The following DLGAP2 variants were observed in gnomAD, a reference collection of about 807,000 sequenced individuals.
DLGAP2 encodes DLG associated protein 2.
A neutral mutation model predicts 100.3 loss-of-function variants in DLGAP2; 26 were observed. That is an observed-to-expected ratio of 0.26 (90% CI 0.19 to 0.36). The LOEUF is 0.36. Among genes scored for constraint, DLGAP2 ranks in the 10% least tolerant of loss-of-function variants. DLGAP2 has a pLI of 1.00. For missense variants in DLGAP2, 1,858 were observed against 1,453.2 expected (o/e 1.28, Z -4.53); for synonymous variants, 886 against 630.1 (o/e 1.41, Z -6.08).
chr8:752,181 C>G (rs1820808709), intron 1 of DLGAP2, among the ~76,000 whole-genome samples: 1 of 152,208 alleles, frequency 6.6e-6, no homozygotes, highest in Non-Finnish European at 1.5e-5. Flanking sequence ...TGGTCTCCCA[C>G]TTTTTCCTCA....
At chr8:880,076 A>G (rs538526392) in intron 1 of DLGAP2, among the ~76,000 whole-genome samples, 7 of 152,178 alleles carry the variant, frequency 4.6e-5, no homozygotes, top group South Asian at 2.1e-4. Flanking sequence ...GCTGCTTCCA[A>G]ATTCATCAGA....
intron 3 of DLGAP2, among the ~76,000 whole-genome samples, chr8:1,315,897 T>A (rs376605079): frequency 2.6e-5 from 2 of 77,620 alleles, no homozygotes; most frequent in South Asian, 4.9e-4. Flanking sequence ...TCGAGAAACT[T>A]GGCAGCTTTT....
At chr8:1,658,142 A>G (rs1798326722) in intron 8 of DLGAP2, among the ~76,000 whole-genome samples, 1 of 152,066 alleles carries the variant, frequency 6.6e-6, no homozygotes, top group Non-Finnish European at 1.5e-5. Context: ...CTCGTCTTTT[A>G]TTATGCAAAT....
intron 4 of DLGAP2, among the ~76,000 whole-genome samples, chr8:1,545,705 C>G (rs62484071): frequency 6.6e-6 from 1 of 152,208 alleles, no homozygotes; most frequent in African/African-American, 2.4e-5. Flanking sequence ...TTTTAAAGTA[C>G]ATGTTTCCAT....
chr8:1,293,388 A>C (rs1221698246), intron 3 of DLGAP2, among the ~76,000 whole-genome samples: 2 of 150,008 alleles, frequency 1.3e-5, no homozygotes, highest in Non-Finnish European at 3.0e-5. Flanking sequence ...CGGCTGAGCC[A>C]TGGCTCCTTC....
chr8:1,506,564 A>G (rs544986801), intron 4 of DLGAP2, among the ~76,000 whole-genome samples: 2 of 152,330 alleles, frequency 1.3e-5, no homozygotes, highest in South Asian at 2.1e-4. Flanking sequence ...TAGTGCATAC[A>G]GCGTAAAAAT....
At chr8:1,557,342 C>T in intron 5 of DLGAP2, among the ~76,000 whole-genome samples, 1 of 152,106 alleles carries the variant, frequency 6.6e-6, no homozygotes, top group Admixed American at 6.5e-5. Context: ...GCCTGCCTGA[C>T]CTCCCTCAGG....
chr8:1,320,391 G>A (rs1254795852), intron 3 of DLGAP2, among the ~76,000 whole-genome samples: 1 of 152,102 alleles, frequency 6.6e-6, no homozygotes, highest in East Asian at 1.9e-4. Flanking sequence ...GAACCCTGGA[G>A]CCGGACCGGA....
At chr8:1,068,743 C>CAGAGGGAGGGAAGGGCTGCA (rs1803334493) in intron 2 of DLGAP2, among the ~76,000 whole-genome samples, 2 of 152,056 alleles carry the variant, frequency 1.3e-5, no homozygotes, top group African/African-American at 2.4e-5. Context: ...GCATGTGGGT[C>CAGAGGGAGGGAAGGGCTGCA]CGGGATATGC....
intron 1 of DLGAP2, among the ~76,000 whole-genome samples, chr8:757,024 G>A (rs866112378): frequency 6.6e-6 from 1 of 152,104 alleles, no homozygotes; most frequent in Non-Finnish European, 1.5e-5. Context: ...AGCTGTTTCC[G>A]TGCAGTTCCC....
intron 3 of DLGAP2, among the ~76,000 whole-genome samples, chr8:1,283,862 G>T (rs1175699618): frequency 1.3e-5 from 2 of 152,182 alleles, no homozygotes; most frequent in African/African-American, 4.8e-5. Context: ...CATCGTTCGT[G>T]GGATACAATC....
intron 2 of DLGAP2, among the ~76,000 whole-genome samples, chr8:1,068,670 C>T (rs1803331373): frequency 6.6e-6 from 1 of 152,056 alleles, no homozygotes; most frequent in Middle Eastern, 3.4e-3. Flanking sequence ...GGAAGTGCTG[C>T]ACAGCAGGGG....
intron 2 of DLGAP2, among the ~76,000 whole-genome samples, chr8:1,092,216 A>C (rs1028366938): frequency 6.6e-6 from 1 of 152,176 alleles, no homozygotes; most frequent in African/African-American, 2.4e-5. Context: ...GCAGTCACAC[A>C]GTCCCCAGAA....
At chr8:1,310,211 T>A (rs1417461097) in intron 3 of DLGAP2, among the ~76,000 whole-genome samples, 1 of 151,368 alleles carries the variant, frequency 6.6e-6, no homozygotes, top group Middle Eastern at 3.2e-3. Context: ...AAAAGGGAAA[T>A]CAAAACAGTT....
intron 3 of DLGAP2, chr8:1,369,229 T>G (rs1402954866): frequency 6.6e-6 from 1 of 152,168 alleles, no homozygotes; most frequent in Admixed American, 6.5e-5. Context: ...TAGTGTGGTT[T>G]CAACAACATT....
chr8:921,721 C>T (rs1166798414), intron 2 of DLGAP2, among the ~76,000 whole-genome samples: 1 of 152,258 alleles, frequency 6.6e-6, no homozygotes, highest in African/African-American at 2.4e-5. Flanking sequence ...GGCTGCGCTG[C>T]TCAGAGCAGG....
chr8:1,498,119 A>G (rs1448382340), intron 3 of DLGAP2, among the ~76,000 whole-genome samples: 3 of 152,210 alleles, frequency 2.0e-5, no homozygotes, highest in Non-Finnish European at 2.9e-5. Context: ...CCGATTGGCC[A>G]TTGGTTGAAA....
chr8:1,131,891 T>C (rs1482166082), intron 2 of DLGAP2, among the ~76,000 whole-genome samples: 1 of 152,232 alleles, frequency 6.6e-6, no homozygotes, highest in African/African-American at 2.4e-5. Context: ...TCCATTCTAC[T>C]GGATTTGATT....
chr8:1,001,714 A>T (rs1256069717), intron 2 of DLGAP2, among the ~76,000 whole-genome samples: 1 of 152,198 alleles, frequency 6.6e-6, no homozygotes, highest in Admixed American at 6.5e-5. Flanking sequence ...CAAGCCATTT[A>T]TCTTTTTCTC....
Sources: allele counts gnomAD v4.1 joint callset (sites outside exome capture counted in the v4.1 genomes callset), GRCh38; gene constraint gnomAD v4.1.1; transcripts MANE v1.5; gene names NCBI Gene and HGNC (gene_info 2026-07-23, HGNC 2026-07-21).